Variants in ANK2 observed in about 807,000 individuals in gnomAD.
ANK2 encodes ankyrin-2.
Under a neutral mutation model 360.5 loss-of-function variants are expected in ANK2, and 83 were observed. That is an observed-to-expected ratio of 0.23 (90% confidence interval 0.19 to 0.28). The LOEUF is 0.28. Ranked by LOEUF, ANK2 falls within the 10% of genes least tolerant of loss-of-function variation. ANK2 has a pLI of 1.00. For synonymous variants in ANK2, 1,740 were observed against 1,759.5 expected (o/e 0.99, Z 0.28); for missense variants, 4,201 against 4,795.7 (o/e 0.88, Z 3.66).
In ANK2 at chr4:113,369,657, G is replaced by A. The variant is rs746712920; in HGVS notation, c.11462G>A (p.Gly3821Glu). Residue 3821 changes from glycine to glutamate, a missense_variant, in exon 43 of 46, where the codon GGA becomes GAA. Transcript: ENST00000357077. ...CAGACCCCAACATCCAGCGAGCGGG[G>A]AGGCTCTCCCATCATACAAGAACCC... is the stretch of plus-strand genomic sequence containing the variant. ...YLQTPTSSERGGSPIIQEPEE... is the reference protein window; with the variant it reads ...YLQTPTSSEREGSPIIQEPEE... 1.2e-6 allele frequency: 2 copies of A among 1,614,098 alleles called. No homozygotes were observed. The highest frequency in any genetic ancestry group is 1.7e-6 in the Non-Finnish European group (2 of 1,180,014).
chr4:112,836,067 T>C (rs2149738266), intron 1 of ANK2, among the ~76,000 whole-genome samples: 1 of 152,270 alleles, frequency 6.6e-6, no homozygotes. Context: ...ATGGTTTGGC[T>C]TTGTGTCCCT....
chr4:113,267,079 C>T (rs2056466713), intron 14 of ANK2, among the ~76,000 whole-genome samples: 2 of 152,256 alleles, frequency 1.3e-5, no homozygotes, highest in South Asian at 2.1e-4. Flanking sequence ...ATATCCTTCG[C>T]CGACTTTTCA....
chr4:113,245,447 C>T lies in ANK2; in HGVS notation c.891+3238C>T, dbSNP rs577362251. Among the ~76,000 whole-genome samples the T allele has an allele frequency of 1.9e-3, 282 of 152,246 alleles. 2 individuals carry two copies. Among genetic ancestry groups the T allele is most frequent in the African/African-American group, 6.7e-3 (278 of 41,552 alleles). On this transcript the variant is annotated intron_variant, in intron 9 of 45. Transcript: ENST00000357077. The stretch of plus-strand genomic sequence containing the variant: ...GAAGTTTAATTGACTCACAGTTCTG[C>T]AGGGCTGGGGAGGCATCAGGAAACT...
At position 113,358,289 on chromosome 4, in the gene ANK2, A is replaced by T. The variant is rs1396310690; in HGVS notation, c.9671A>T (p.Asp3224Val). 1.9e-6 allele frequency: 3 copies of T among 1,613,190 alleles called. No homozygotes were observed. Among genetic ancestry groups the T allele is most frequent in the Non-Finnish European group, 2.5e-6 (3 of 1,179,568 alleles). ...TKEAVSVGTKDLPTVQTGDIP... is the reference protein window; with the variant it reads ...TKEAVSVGTKVLPTVQTGDIP... ...GAAGCTGTTAGTGTAGGGACCAAGG[A>T]CCTCCCCACCGTGCAAACGGGTGAT... The change falls in exon 38 of 46, where the codon GAC (aspartate) becomes GTC (valine). Residue 3224 changes from aspartate (D) to valine (V), a missense_variant. Around this residue, in one of 4 missense-constraint regions of ANK2, gnomAD observed 2,642 missense variants for 2,714.5 expected, o/e 0.97. Transcript: ENST00000357077.
At chr4:113,170,195 A>G (rs2097894807) in intron 1 of ANK2, among the ~76,000 whole-genome samples, 1 of 152,206 alleles carries the variant, frequency 6.6e-6, no homozygotes, top group Non-Finnish European at 1.5e-5. Flanking sequence ...AAACCAATAA[A>G]AGCTAAAATT....
chr4:112,728,307 A>C, the ANK2 span, among the ~76,000 whole-genome samples: 1 of 150,400 alleles, frequency 6.6e-6, no homozygotes, highest in Non-Finnish European at 1.5e-5. Flanking sequence ...AAAAAAAAAA[A>C]AAAAAAAAAA....
chr4:112,752,116 A>T, the ANK2 span, among the ~76,000 whole-genome samples: 7 of 152,296 alleles, frequency 4.6e-5, no homozygotes, highest in South Asian at 1.5e-3. Context: ...TTTATGAGAA[A>T]TTCAAGGGAG....
At chr4:113,322,791 A>G (rs1223459241) in intron 26 of ANK2, among the ~76,000 whole-genome samples, 1 of 152,210 alleles carries the variant, frequency 6.6e-6, no homozygotes, top group Non-Finnish European at 1.5e-5. Flanking sequence ...TATTCTCTCA[A>G]ATAACGGGAT....
At chr4:113,246,054 C>T (rs1346070987) in intron 9 of ANK2, among the ~76,000 whole-genome samples, 1 of 152,172 alleles carries the variant, frequency 6.6e-6, no homozygotes, top group African/African-American at 2.4e-5. Flanking sequence ...CCTTGGCCTC[C>T]CAAAGTGCTG....
At chr4:113,349,396 AT>A (rs2095242976) in intron 36 of ANK2, among the ~76,000 whole-genome samples, 1 of 152,182 alleles carries the variant, frequency 6.6e-6, no homozygotes, top group African/African-American at 2.4e-5. Context: ...TGCATTCAAA[AT>A]AAAAAATATA....
At chr4:113,372,425 G>A in intron 43 of ANK2, 1 of 674,606 alleles carries the variant, frequency 1.5e-6, no homozygotes, top group Non-Finnish European at 2.5e-6. Context: ...GTCCATCAAA[G>A]CCTCCATGAA....
chr4:113,070,970 A>G (rs957845922), intron 1 of ANK2, among the ~76,000 whole-genome samples: 1 of 151,992 alleles, frequency 6.6e-6, no homozygotes, highest in African/African-American at 2.4e-5. Context: ...AGTAATGGTG[A>G]TGGATAAAGG....
chr4:113,340,835 C>T (rs1472730180), intron 32 of ANK2, among the ~76,000 whole-genome samples: 14 of 145,952 alleles, frequency 9.6e-5, no homozygotes, highest in Admixed American at 8.3e-4. Context: ...GGCGACAGAG[C>T]GAGACAACGT....
At chr4:112,864,381 C>T (rs1329755514) in intron 1 of ANK2, among the ~76,000 whole-genome samples, 1 of 152,094 alleles carries the variant, frequency 6.6e-6, no homozygotes, top group East Asian at 1.9e-4. Flanking sequence ...ATGATCTCAG[C>T]TCTATGCAAT....
chr4:113,314,858 A>G (rs995281906), intron 24 of ANK2, among the ~76,000 whole-genome samples: 1 of 152,208 alleles, frequency 6.6e-6, no homozygotes, highest in African/African-American at 2.4e-5. Flanking sequence ...TAAACAACCA[A>G]TTAGTATTTC....
In ANK2 at chr4:112,826,864, A is replaced by G. The variant is rs1452056023; in HGVS notation, c.-40+8600A>G. 3.4e-6 allele frequency: 5 copies of G among 1,468,378 alleles called. No homozygotes were observed. In the African/African-American group the frequency reaches 4.2e-5, roughly 12 times the overall value. The allele number at this position is 1,468,378 out of a possible 1,614,324, so 91.0% of individuals were successfully genotyped here. A position where few individuals can be genotyped will look rare whatever the true frequency, so the allele number is the denominator to read the frequency against. ...ACAATATGCTTCAGGGATGAAGATG[A>G]CATCAATGATGTGACTTCTATGGCA... On this transcript the variant is annotated intron_variant, in intron 1 of 30. Transcript: ENST00000503271.
Position 113,077,673 on chromosome 4 carries a change from A to G in ANK2, c.84+27861A>G, listed in dbSNP as rs2080670370. 2.0e-5 allele frequency among the ~76,000 whole-genome samples: 3 copies of G among 152,352 alleles called. No individual in the cohort carries two copies. The South Asian group carries it at 6.2e-4, about 32-fold the overall frequency. On this transcript the variant is annotated intron_variant, in intron 1 of 45. Coordinates refer to ENST00000357077, the MANE Select transcript of ANK2 (RefSeq NM_001148.6). ...TCCCTGTGCATATCTGCCACCTTAA[A>G]CTAATGGAGCTATTTATTGAGTTCA...
At chr4:113,088,242 G>C (rs1181942159) in intron 1 of ANK2, among the ~76,000 whole-genome samples, 1 of 152,166 alleles carries the variant, frequency 6.6e-6, no homozygotes, top group Non-Finnish European at 1.5e-5. Flanking sequence ...TGCCCTGAGA[G>C]ACAGCACTGG....
chr4:113,113,855 T>A (rs181499739), intron 1 of ANK2, among the ~76,000 whole-genome samples: 121 of 152,272 alleles, frequency 7.9e-4, no homozygotes, highest in Non-Finnish European at 1.6e-3. Context: ...CATAGTTAAG[T>A]TTGAGCAACA....
Sources: allele counts gnomAD v4.1 joint callset (sites outside exome capture counted in the v4.1 genomes callset), GRCh38; gene constraint gnomAD v4.1.1; regional missense constraint gnomAD v4.1.1; transcripts MANE v1.5; gene names NCBI Gene and HGNC (gene_info 2026-07-23, HGNC 2026-07-21).